Variants in HDAC9 observed in about 807,000 individuals in gnomAD.
HDAC9 encodes MEF-2 interacting transcription repressor (MITR) protein.
Under a neutral mutation model 139.4 loss-of-function variants are expected in HDAC9, and 41 were observed. The ratio of observed to expected loss-of-function variants is 0.29; its 90% CI spans 0.23 to 0.38. HDAC9 has a LOEUF of 0.38. HDAC9 is among the 10% of genes least tolerant of loss of function. The pLI, the probability that HDAC9 is intolerant of heterozygous loss-of-function variation, is 1.00. For synonymous variants in HDAC9, 517 were observed against 476.2 expected (o/e 1.09, Z -1.12); for missense variants, 1,147 against 1,297.0 (o/e 0.88, Z 1.78).
intron 1 of HDAC9, among the ~76,000 whole-genome samples, chr7:18,110,596 A>G (rs1783549635): frequency 1.3e-5 from 2 of 152,176 alleles, no homozygotes; most frequent in Admixed American, 1.3e-4. Flanking sequence ...TCCTGACTAT[A>G]AAGGGCTGTG....
intron 2 of HDAC9, among the ~76,000 whole-genome samples, chr7:18,511,299 T>C (rs1801434625): frequency 6.6e-6 from 1 of 152,234 alleles, no homozygotes; most frequent in Non-Finnish European, 1.5e-5. Flanking sequence ...ATGGACATTC[T>C]TCCACATCCT....
rs185276486 is a variant in HDAC9 at position 18,182,100 on chromosome 7, A to G, written c.25+19751A>G. On this transcript the variant is annotated intron_variant, in intron 2 of 12. Transcript: ENST00000417496. ...TGTGTCATGGCTGGCAGCAGGGCCC[A>G]GGAGCCAAGATCTAGGCACCAATTC... 1.6e-3 allele frequency among the ~76,000 whole-genome samples: 242 copies of G among 152,274 alleles called. 2 individuals are homozygous for G. Among genetic ancestry groups the G allele is most frequent in the African/African-American group, 5.7e-3 (237 of 41,544 alleles).
At chr7:18,692,941 AT>A (rs1372185544) in intron 12 of HDAC9, among the ~76,000 whole-genome samples, 2 of 152,034 alleles carry the variant, frequency 1.3e-5, no homozygotes, top group Non-Finnish European at 2.9e-5. Context: ...TGATAAATAC[AT>A]TTTTTGTGTT....
chr7:18,464,443 G>A (rs1179335024), intron 1 of HDAC9, among the ~76,000 whole-genome samples: 1 of 151,886 alleles, frequency 6.6e-6, no homozygotes, highest in Non-Finnish European at 1.5e-5. Context: ...TTTAATATCT[G>A]CATTGGATAG....
intron 22 of HDAC9, among the ~76,000 whole-genome samples, chr7:18,883,065 AAAAT>A (rs1799849045): frequency 6.6e-6 from 1 of 152,194 alleles, no homozygotes; most frequent in Non-Finnish European, 1.5e-5. Context: ...TTTTTAAAAG[AAAAT>A]AAAGCATTAT....
intron 1 of HDAC9, among the ~76,000 whole-genome samples, chr7:18,136,825 T>G (rs1312402900): frequency 6.6e-6 from 1 of 151,972 alleles, no homozygotes; most frequent in Non-Finnish European, 1.5e-5. Flanking sequence ...AAGTAGTTTT[T>G]TCCAATTCTG....
chr7:18,917,315 G>GA (rs1194578849), intron 22 of HDAC9, among the ~76,000 whole-genome samples: 6 of 151,152 alleles, frequency 4.0e-5, no homozygotes, highest in East Asian at 3.9e-4. Context: ...ATATGAATTT[G>GA]AAAAAAAACT....
At chr7:18,273,154 G>T (rs1321322814) in intron 2 of HDAC9, among the ~76,000 whole-genome samples, 1 of 142,852 alleles carries the variant, frequency 7.0e-6, no homozygotes, top group African/African-American at 2.6e-5. Flanking sequence ...CATCAAACTC[G>T]TGGACTTAAG....
intron 25 of HDAC9, among the ~76,000 whole-genome samples, chr7:18,994,848 A>G (rs1266539344): frequency 6.6e-6 from 1 of 152,176 alleles, no homozygotes. Context: ...CCTAATATGA[A>G]AGTAATTCAT....
intron 22 of HDAC9, among the ~76,000 whole-genome samples, chr7:18,887,278 G>A (rs1800243811): frequency 6.6e-6 from 1 of 152,178 alleles, no homozygotes; most frequent in Non-Finnish European, 1.5e-5. Flanking sequence ...TAGGTCTGGA[G>A]AGGGTACTGC....
chr7:18,611,791 A>G (rs10486292), intron 6 of HDAC9, among the ~76,000 whole-genome samples: 17,889 of 152,160 alleles, frequency 0.12, 1,350 homozygotes, highest in East Asian at 0.35. Context: ...ATGATGAATA[A>G]AGTTCAAAAT....
At chr7:18,903,522 G>A (rs1801922710) in intron 22 of HDAC9, among the ~76,000 whole-genome samples, 1 of 152,174 alleles carries the variant, frequency 6.6e-6, no homozygotes, top group South Asian at 2.1e-4. Flanking sequence ...CATCCCTAGA[G>A]TTTCTGTTTT....
At chr7:18,507,095 A>C (rs1799995922) in intron 2 of HDAC9, among the ~76,000 whole-genome samples, 1 of 151,666 alleles carries the variant, frequency 6.6e-6, no homozygotes, top group Non-Finnish European at 1.5e-5. Context: ...AATGGATGTT[A>C]GTGCATTTTA....
At chr7:18,991,136 C>G (rs971195105) in intron 25 of HDAC9, among the ~76,000 whole-genome samples, 6 of 152,136 alleles carry the variant, frequency 3.9e-5, no homozygotes, top group Middle Eastern at 3.2e-3. Context: ...TTGTAAAGAG[C>G]ACTGAAATCA....
At chr7:18,514,208 A>T (rs1027720564) in intron 2 of HDAC9, among the ~76,000 whole-genome samples, 1 of 152,218 alleles carries the variant, frequency 6.6e-6, no homozygotes, top group Admixed American at 6.5e-5. Flanking sequence ...GAACTATTTC[A>T]TATTTTTCTC....
intron 21 of HDAC9, among the ~76,000 whole-genome samples, chr7:18,858,303 G>A (rs941128810): frequency 1.3e-5 from 2 of 152,146 alleles, no homozygotes; most frequent in Admixed American, 6.5e-5. Context: ...ATTGACTCAC[G>A]TGGCTGCATG....
At chr7:18,325,140 A>G (rs1479282170) in intron 1 of HDAC9, among the ~76,000 whole-genome samples, 2 of 152,170 alleles carry the variant, frequency 1.3e-5, no homozygotes, top group African/African-American at 4.8e-5. Flanking sequence ...GTTAATAAAA[A>G]AAGACCCAAT....
upstream of HDAC9, chr7:18,495,618 T>C: frequency 2.6e-6 from 1 of 377,378 alleles, no homozygotes; most frequent in Non-Finnish European, 3.6e-6. Context: ...TCGGCCATGC[T>C]TGACCTATTT....
chr7:18,180,126 C>G (rs1433901542), intron 2 of HDAC9, among the ~76,000 whole-genome samples: 1 of 151,960 alleles, frequency 6.6e-6, no homozygotes, highest in Admixed American at 6.6e-5. Flanking sequence ...TTATCCTACC[C>G]CCAGTAGTGA....
Sources: allele counts gnomAD v4.1 joint callset (sites outside exome capture counted in the v4.1 genomes callset), GRCh38; gene constraint gnomAD v4.1.1; transcripts MANE v1.5; gene names NCBI Gene and HGNC (gene_info 2026-07-23, HGNC 2026-07-21).